The following RBFOX1 variants were observed in gnomAD, a reference collection of about 807,000 sequenced individuals.
RBFOX1 encodes the protein RNA binding fox-1 homolog 1.
Under a neutral mutation model 57.7 loss-of-function variants are expected in RBFOX1, and 8 were observed. That is an observed-to-expected ratio of 0.14 (90% CI 0.08 to 0.25). RBFOX1 has a LOEUF of 0.25. RBFOX1 is among the 10% of genes least tolerant of loss of function. The pLI is 1.00. For synonymous variants in RBFOX1, 326 were observed against 222.4 expected, an observed-to-expected ratio of 1.47 and a Z score of -4.15; for missense variants, 611 against 548.5, an observed-to-expected ratio of 1.11 and a Z score of -1.14.
chr16:5,462,368 C>A (rs1461754817), intron 1 of RBFOX1, among the ~76,000 whole-genome samples: 1 of 151,978 alleles, frequency 6.6e-6, no homozygotes, highest in East Asian at 1.9e-4. Context: ...CGGGGTTTCA[C>A]CGTGTTGGCC....
chr16:7,181,056 T>A (rs1410186255), intron 4 of RBFOX1, among the ~76,000 whole-genome samples: 2 of 152,230 alleles, frequency 1.3e-5, no homozygotes, highest in Non-Finnish European at 2.9e-5. Context: ...TCAGCGAGGC[T>A]GATTTGGTCC....
chr16:6,870,341 T>C (rs534569001), intron 3 of RBFOX1, among the ~76,000 whole-genome samples: 1 of 152,250 alleles, frequency 6.6e-6, no homozygotes, highest in Admixed American at 6.5e-5. Context: ...GAAACAGAAA[T>C]CTGATATTCC....
intron 11 of RBFOX1, among the ~76,000 whole-genome samples, chr16:7,649,877 T>C (rs2064588706): frequency 6.6e-6 from 1 of 151,878 alleles, no homozygotes; most frequent in Non-Finnish European, 1.5e-5. Flanking sequence ...GGCAGCCCTC[T>C]TTAGAAAAAA....
At chr16:6,831,807 C>G (rs2092727430) in intron 3 of RBFOX1, among the ~76,000 whole-genome samples, 1 of 152,128 alleles carries the variant, frequency 6.6e-6, no homozygotes, top group African/African-American at 2.4e-5. Flanking sequence ...AAGAACAAGA[C>G]CCAGCACTTG....
chr16:5,801,491 C>T (rs957351337), intron 3 of RBFOX1, among the ~76,000 whole-genome samples: 5 of 152,172 alleles, frequency 3.3e-5, no homozygotes, highest in East Asian at 3.9e-4. Context: ...TAGCAGTCAT[C>T]GGGCAGTTAC....
At chr16:5,708,239 T>G (rs2051323871) in intron 3 of RBFOX1, among the ~76,000 whole-genome samples, 1 of 152,150 alleles carries the variant, frequency 6.6e-6, no homozygotes, top group South Asian at 2.1e-4. Context: ...CTTGTATTCA[T>G]TATAATTTTG....
chr16:5,467,224 G>C (rs771177661), exon 2 of RBFOX1: 7 of 1,485,228 alleles, frequency 4.7e-6, no homozygotes, highest in Non-Finnish European at 9.0e-7. Context: ...AGGATCTACT[G>C]TGCCTGCCAT....
intron 5 of RBFOX1, among the ~76,000 whole-genome samples, chr16:7,522,763 C>T (rs1328933715): frequency 2.0e-5 from 3 of 151,668 alleles, no homozygotes; most frequent in South Asian, 2.1e-4. Flanking sequence ...GTTTTATAGG[C>T]GATAAGAAGG....
At chr16:6,288,582 A>C (rs1012767742) in intron 1 of RBFOX1, among the ~76,000 whole-genome samples, 5 of 152,130 alleles carry the variant, frequency 3.3e-5, no homozygotes, top group Admixed American at 2.0e-4. Context: ...CAGGCTGAAA[A>C]CCTGAAACTC....
intron 1 of RBFOX1, among the ~76,000 whole-genome samples, chr16:5,346,529 T>G (rs2065143561): frequency 6.6e-6 from 1 of 152,108 alleles, no homozygotes; most frequent in African/African-American, 2.4e-5. Context: ...AAAGGCTGGG[T>G]AATAGGACCT....
At chr16:5,243,821 A>G (rs1368449512) in intron 1 of RBFOX1, among the ~76,000 whole-genome samples, 1 of 152,202 alleles carries the variant, frequency 6.6e-6, no homozygotes. Flanking sequence ...AATGAGATAC[A>G]CTTTCATAGG....
chr16:5,905,653 C>T (rs1368063015), intron 4 of RBFOX1, among the ~76,000 whole-genome samples: 1 of 152,098 alleles, frequency 6.6e-6, no homozygotes, highest in Non-Finnish European at 1.5e-5. Context: ...TGTGAACATA[C>T]CACTCCACTC....
intron 3 of RBFOX1, among the ~76,000 whole-genome samples, chr16:6,950,977 C>G (rs912794842): frequency 6.6e-6 from 1 of 151,910 alleles, no homozygotes; most frequent in Non-Finnish European, 1.5e-5. Flanking sequence ...ATGATCACAG[C>G]TCATTGCAGC....
intron 3 of RBFOX1, among the ~76,000 whole-genome samples, chr16:6,766,350 T>G (rs7189191): frequency 2.6e-5 from 4 of 151,910 alleles, no homozygotes; most frequent in East Asian, 3.9e-4. Flanking sequence ...AGACATAACT[T>G]TTCCTACTTG....
intron 1 of RBFOX1, among the ~76,000 whole-genome samples, chr16:5,300,365 A>G (rs773687015): frequency 1.3e-5 from 2 of 152,110 alleles, no homozygotes; most frequent in Non-Finnish European, 2.9e-5. Context: ...CTCGGGAGAA[A>G]GGGTGGGAGC....
At chr16:7,114,222 A>C (rs747770621) in intron 4 of RBFOX1, among the ~76,000 whole-genome samples, 4 of 152,196 alleles carry the variant, frequency 2.6e-5, no homozygotes. Context: ...GCAAATTACA[A>C]AATAATTAGG....
intron 3 of RBFOX1, among the ~76,000 whole-genome samples, chr16:5,756,788 A>C (rs146165954): frequency 6.6e-6 from 1 of 152,328 alleles, no homozygotes; most frequent in African/African-American, 2.4e-5. Flanking sequence ...GGATCTTGGC[A>C]AATTGGCCAG....
chr16:5,580,530 C>A (rs916040054), intron 2 of RBFOX1, among the ~76,000 whole-genome samples: 1 of 152,190 alleles, frequency 6.6e-6, no homozygotes, highest in Non-Finnish European at 1.5e-5. Context: ...TAGCTCAGAG[C>A]CAGGGCTGCT....
intron 4 of RBFOX1, among the ~76,000 whole-genome samples, chr16:7,364,502 A>C (rs1028131058): frequency 2.6e-5 from 4 of 151,546 alleles, no homozygotes; most frequent in African/African-American, 4.9e-5. Flanking sequence ...CTAGAAATCT[A>C]CTTGGACTAT....
Sources: allele counts gnomAD v4.1 joint callset (sites outside exome capture counted in the v4.1 genomes callset), GRCh38; gene constraint gnomAD v4.1.1; transcripts MANE v1.5; gene names NCBI Gene and HGNC (gene_info 2026-07-23, HGNC 2026-07-21).